The following PIK3CD variants were observed in gnomAD, a reference collection of about 807,000 sequenced individuals.
PIK3CD encodes phosphatidylinositol 4,5-bisphosphate 3-kinase catalytic subunit delta isoform.
A neutral mutation model predicts 122.9 loss-of-function variants in PIK3CD; 20 were observed. The observed-to-expected ratio is 0.16, with a 90% CI of 0.11 to 0.24. The LOEUF is 0.24. Among genes scored for constraint, PIK3CD ranks in the 10% least tolerant of loss-of-function variants. PIK3CD has a pLI of 1.00. For synonymous variants in PIK3CD, 596 were observed against 593.4 expected, an observed-to-expected ratio of 1.00 and a Z score of -0.06; for missense variants, 787 against 1,406.3, an observed-to-expected ratio of 0.56 and a Z score of 7.04.
At chr1:9,690,235 TCCTCCCCGGGGGA>T (rs1646151385) in intron 1 of PIK3CD, among the ~76,000 whole-genome samples, 1 of 152,166 alleles carries the variant, frequency 6.6e-6, no homozygotes, top group South Asian at 2.1e-4. Context: ...TCCTGCGGCT[TCCTCCCCGGGGGA>T]GCGCCTTCTC....
At chr1:9,699,984 T>C (rs2100610908) in intron 2 of PIK3CD, among the ~76,000 whole-genome samples, 1 of 152,310 alleles carries the variant, frequency 6.6e-6, no homozygotes, top group Middle Eastern at 3.4e-3. Flanking sequence ...AACTTCAGAA[T>C]GATCTCACCC....
intron 2 of PIK3CD, among the ~76,000 whole-genome samples, chr1:9,693,301 T>G (rs865964306): frequency 2.2e-4 from 34 of 152,194 alleles, no homozygotes; most frequent in African/African-American, 7.7e-4. Flanking sequence ...CTCAGCTCAC[T>G]GCCACCTCCG....
Position 9,710,127 on chromosome 1 carries a change from G to A in PIK3CD, c.-32-297G>A, listed in dbSNP as rs149125225. 39 of 386,488 alleles carry A rather than the reference G, an allele frequency of 1.0e-4. No individual in the cohort carries two copies. Among genetic ancestry groups the A allele is most frequent in the East Asian group, 3.6e-4 (6 of 16,828 alleles). The allele number at this position is 386,488 out of a possible 1,614,324, so 23.9% of individuals were successfully genotyped here. Reference sequence around the variant, plus strand: ...CAGCTGGTGGCCATGACTGGCTTTCGTGGATGTGTATGTTCCTGAGGAAAG... The same window carrying A: ...CAGCTGGTGGCCATGACTGGCTTTCATGGATGTGTATGTTCCTGAGGAAAG... On this transcript the variant is annotated intron_variant, in intron 2 of 23. Coordinates refer to ENST00000377346, the MANE Select transcript of PIK3CD (RefSeq NM_005026.5). This position sits in a 1 kb window ranked among gnomAD's most constrained non-coding sequence, Gnocchi z 4.7.
In PIK3CD at chr1:9,720,414, G is replaced by A. The variant is rs1166381016; in HGVS notation, c.1470+172G>A. On this transcript the variant is annotated intron_variant, in intron 11 of 23. Coordinates refer to ENST00000377346, the MANE Select transcript of PIK3CD (RefSeq NM_005026.5). The surrounding 1 kb of genome is among the most constrained non-coding windows in gnomAD (Gnocchi z 9.0). ...CTGCAGGGATGCTGCGCAGTCTGAT[G>A]ACATTTTCGGTTGTCACAGCTGCCA... is the stretch of plus-strand genomic sequence containing the variant. 1.4e-6 allele frequency: 2 copies of A among 1,381,738 alleles called. No individual in the cohort carries two copies. Among genetic ancestry groups the A allele is most frequent in the Admixed American group, 5.0e-5 (2 of 40,002 alleles). The allele number at this position is 1,381,738 out of a possible 1,614,324, so 85.6% of individuals were successfully genotyped here.
intron 1 of PIK3CD, among the ~76,000 whole-genome samples, chr1:9,655,398 A>T (rs1644818675): frequency 6.6e-6 from 1 of 151,872 alleles, no homozygotes; most frequent in Non-Finnish European, 1.5e-5. Flanking sequence ...CATAGCAGAA[A>T]TGCTGCCAGT....
intron 1 of PIK3CD, among the ~76,000 whole-genome samples, chr1:9,673,074 C>T (rs1024403909): frequency 2.7e-5 from 4 of 150,738 alleles, no homozygotes; most frequent in East Asian, 2.0e-4. Context: ...GTACATGCAA[C>T]GTATAATCCA....
rs752492821 is a variant in PIK3CD at position 9,722,379 on chromosome 1, C to T, written c.2347+23C>T. ...ATGGTGAGGGCCTGGCCTCCCCACA[C>T]CCCGCCTGTACTGCCCTGGGGGGTC... On this transcript the variant is annotated intron_variant, in intron 18 of 23. Transcript: ENST00000377346. The surrounding 1 kb of genome is among the most constrained non-coding windows in gnomAD (Gnocchi z 7.6). 20 of 1,591,926 alleles carry T rather than the reference C, an allele frequency of 1.3e-5. No individual in the cohort carries two copies. Among genetic ancestry groups the T allele is most frequent in the Non-Finnish European group, 1.6e-5 (19 of 1,164,094 alleles).
chr1:9,716,476 C>G lies in PIK3CD; in HGVS notation c.637C>G (p.Pro213Ala). The change falls in exon 6 of 24, where the codon CCG (proline) becomes GCG (alanine). Residue 213 changes from proline to alanine, a missense_variant. Coordinates refer to ENST00000377346, the MANE Select transcript of PIK3CD (RefSeq NM_005026.5). ...CTTCCAGGTGTCCACCAAGGACGTGCCGCTGGCGCTGATGGCCTGTGCCCT... is the reference window on the plus strand; with the variant it reads ...CTTCCAGGTGTCCACCAAGGACGTGGCGCTGGCGCTGATGGCCTGTGCCCT... Reference protein sequence around the residue: ...FTFQVSTKDVPLALMACALRK... With the variant: ...FTFQVSTKDVALALMACALRK... 6.2e-7 allele frequency: 1 copy of G among 1,611,126 alleles called. No individual in the cohort carries two copies. The highest frequency in any genetic ancestry group is 8.5e-7 in the Non-Finnish European group (1 of 1,179,916).
rs996946566 is a variant in PIK3CD at position 9,717,920 on chromosome 1, G to A, written c.1020+294G>A. On this transcript the variant is annotated intron_variant, in intron 8 of 23. Coordinates refer to ENST00000377346, the MANE Select transcript of PIK3CD (RefSeq NM_005026.5). This position sits in a 1 kb window ranked among gnomAD's most constrained non-coding sequence, Gnocchi z 5.4. Reference sequence around the variant, plus strand: ...CAGCCCAGGGATCCGGGACCGCAGAGCTGGGGGAAGGGCCGGGCATGGAAG... The same window carrying A: ...CAGCCCAGGGATCCGGGACCGCAGAACTGGGGGAAGGGCCGGGCATGGAAG... Among the ~76,000 whole-genome samples the A allele has an allele frequency of 6.6e-6, 1 of 152,222 alleles. No individual in the cohort carries two copies. Among genetic ancestry groups the A allele is most frequent in the Non-Finnish European group, 1.5e-5 (1 of 68,030 alleles).
In PIK3CD at chr1:9,723,853, T is replaced by G. The variant is rs1198243231; in HGVS notation, c.2595-116T>G. The G allele has an allele frequency of 2.2e-6, 2 of 915,366 alleles. No individual in the cohort carries two copies. The highest frequency in any genetic ancestry group is 3.5e-6 in the Non-Finnish European group (2 of 565,436). 56.7% of individuals were successfully genotyped at this position (915,366 alleles called of 1,614,324 possible). A position where few individuals can be genotyped will look rare whatever the true frequency, so the allele number is the denominator to read the frequency against. ...GTCCAGCATTGTGTCCTCCATGTTC[T>G]GTTGGTCAAAGCAAGTCACAGGGCC... is the stretch of plus-strand genomic sequence containing the variant. On this transcript the variant is annotated intron_variant, in intron 20 of 23. Transcript: ENST00000377346. The surrounding 1 kb of genome is among the most constrained non-coding windows in gnomAD (Gnocchi z 4.9).
At chr1:9,674,866 T>C (rs1223741674) in intron 1 of PIK3CD, among the ~76,000 whole-genome samples, 1 of 149,760 alleles carries the variant, frequency 6.7e-6, no homozygotes, top group African/African-American at 2.5e-5. Flanking sequence ...ACCCCATCTC[T>C]ACAAAAAAAT....
In PIK3CD at chr1:9,706,087, G is replaced by A. The variant is rs1237998815; in HGVS notation, c.-32-4337G>A. On this transcript the variant is annotated intron_variant, in intron 2 of 23. Transcript: ENST00000377346. ...TTTTTTTTTTTTTGGTAGAGACAGA[G>A]TTTTGCCATGTTGCTCAGGCTGGTC... Among the ~76,000 whole-genome samples, 3 of 117,704 alleles carry A rather than the reference G, an allele frequency of 2.5e-5. No homozygotes were observed. In the Admixed American group the frequency reaches 3.1e-4, roughly 12 times the overall value. 77.2% of individuals were successfully genotyped at this position (117,704 alleles called of 152,430 possible). A position where few individuals can be genotyped will look rare whatever the true frequency, so the allele number is the denominator to read the frequency against.
At chr1:9,685,960 T>G (rs1162672507) in intron 1 of PIK3CD, among the ~76,000 whole-genome samples, 3 of 152,098 alleles carry the variant, frequency 2.0e-5, no homozygotes, top group Non-Finnish European at 4.4e-5. Flanking sequence ...CAATTTGAGT[T>G]AGAAAGAGAA....
rs1647266820 is a variant in PIK3CD, at chr1:9,715,464, C to T, written c.142-77C>T. The T allele has an allele frequency of 7.6e-7, 1 of 1,310,792 alleles. No homozygotes were observed. The highest frequency in any genetic ancestry group is 1.1e-6 in the Non-Finnish European group (1 of 919,620). The allele number at this position is 1,310,792 out of a possible 1,614,324, so 81.2% of individuals were successfully genotyped here. On this transcript the variant is annotated intron_variant, in intron 3 of 23. Transcript: ENST00000377346. The surrounding 1 kb of genome is among the most constrained non-coding windows in gnomAD (Gnocchi z 4.1). Reference sequence around the variant, plus strand: ...TTTGGACCCCCAGGCTGGAGGCCAGCTCTCCACCCTCCCTCAGCCTCCCAC... The same window carrying T: ...TTTGGACCCCCAGGCTGGAGGCCAGTTCTCCACCCTCCCTCAGCCTCCCAC...
chr1:9,654,397 G>C, intron 1 of PIK3CD: 1 of 1,367,672 alleles, frequency 7.3e-7, no homozygotes, highest in Non-Finnish European at 9.8e-7. Context: ...GGGGTGCCAG[G>C]GGCTGTGCTA....
chr1:9,714,087 A>G (rs1051470959), intron 3 of PIK3CD, among the ~76,000 whole-genome samples: 1 of 152,110 alleles, frequency 6.6e-6, no homozygotes, highest in Non-Finnish European at 1.5e-5. Flanking sequence ...CCTGTGCTCA[A>G]GTGATCCTCC....
At chr1:9,705,851 A>G (rs1646811379) in intron 2 of PIK3CD, among the ~76,000 whole-genome samples, 1 of 152,188 alleles carries the variant, frequency 6.6e-6, no homozygotes. Flanking sequence ...TGATCTCCAT[A>G]CCACAGTTCT....
intron 2 of PIK3CD, among the ~76,000 whole-genome samples, chr1:9,697,782 G>A (rs1269705322): frequency 6.6e-6 from 1 of 151,900 alleles, no homozygotes; most frequent in Non-Finnish European, 1.5e-5. Context: ...TGTAATCCTG[G>A]CACTTTGGGA....
chr1:9,703,814 C>T (rs1047995616), intron 2 of PIK3CD, among the ~76,000 whole-genome samples: 1 of 152,140 alleles, frequency 6.6e-6, no homozygotes, highest in African/African-American at 2.4e-5. Context: ...ATAGTGATGC[C>T]ATAGACACTC....
Sources: gnomAD v4.1 joint callset for allele counts (sites outside exome capture counted in the v4.1 genomes callset) on GRCh38, gnomAD v4.1.1 for gene constraint, Gnocchi (gnomAD v3.1) non-coding constraint, MANE v1.5 for transcripts, NCBI Gene and HGNC (gene_info 2026-07-23, HGNC 2026-07-21) for gene names.